The following SEM1 variants were observed in gnomAD, a reference collection of about 807,000 sequenced individuals.
SEM1 encodes 26S proteasome complex subunit SEM1.
In SEM1, 3 loss-of-function variants were observed where a neutral mutation model predicts 12.7. That is an observed-to-expected ratio of 0.24 (90% CI 0.11 to 0.61). The LOEUF is 0.61. Ranked by LOEUF, SEM1 falls within the 20% of genes least tolerant of loss-of-function variation. The pLI, the probability that SEM1 is intolerant of heterozygous loss-of-function variation, is 0.88. For missense variants in SEM1, 59 were observed against 81.3 expected (o/e 0.73, Z 1.06); for synonymous variants, 30 against 27.8 (o/e 1.08, Z -0.25).
downstream of SEM1, among the ~76,000 whole-genome samples, chr7:96,668,996 T>A (rs1789240278): frequency 6.6e-6 from 1 of 151,978 alleles, no homozygotes; most frequent in Admixed American, 6.6e-5. Context: ...CACCAGAAAT[T>A]AGGAAGAGAC....
At chr7:96,484,633 T>C (rs1160875961) in intron 3 of SEM1, among the ~76,000 whole-genome samples, 3 of 152,060 alleles carry the variant, frequency 2.0e-5, no homozygotes, top group Non-Finnish European at 4.4e-5. Flanking sequence ...AGAAAAGGCA[T>C]GGCCACAAGT....
intron 2 of SEM1, among the ~76,000 whole-genome samples, chr7:96,667,747 G>C (rs1219601270): frequency 3.9e-5 from 6 of 152,158 alleles, no homozygotes. Flanking sequence ...CACATGGGTG[G>C]CTTTCTTTAG....
intron 2 of SEM1, among the ~76,000 whole-genome samples, chr7:96,636,998 A>C (rs555991311): frequency 6.6e-6 from 1 of 152,178 alleles, no homozygotes; most frequent in East Asian, 1.9e-4. Flanking sequence ...AGGAGGAATA[A>C]AAGGAAAAAG....
chr7:96,684,026 TA>T (rs958626553), downstream of SEM1, among the ~76,000 whole-genome samples: 174 of 151,888 alleles, frequency 1.1e-3, no homozygotes, highest in African/African-American at 4.1e-3. Flanking sequence ...AAAGTATAAT[TA>T]AAAAAAATTA....
intron 2 of SEM1, among the ~76,000 whole-genome samples, chr7:96,577,368 C>A (rs1806240434): frequency 6.6e-6 from 1 of 151,830 alleles, no homozygotes; most frequent in African/African-American, 2.4e-5. Context: ...CCTGTATGAA[C>A]CAAAAACCTT....
intron 2 of SEM1, among the ~76,000 whole-genome samples, chr7:96,578,615 T>G (rs1281475846): frequency 6.6e-6 from 1 of 152,098 alleles, no homozygotes; most frequent in Non-Finnish European, 1.5e-5. Context: ...AGAACTAAGA[T>G]GTAAGGGAGA....
rs66875119 is a variant in SEM1, at chr7:96,573,927, A to AT, written c.171-67230dup. ...AGGTTTGGTCTTTTCACATGGTCCC[A>AT]TTTTTTTTTTTAATATTTTTTATTA... is the stretch of plus-strand genomic sequence containing the variant. On this transcript the variant is annotated intron_variant and NMD_transcript_variant, in intron 2 of 3. Coordinates refer to the SEM1 transcript ENST00000466986. Among the ~76,000 whole-genome samples the AT allele has an allele frequency of 2.4e-3, 117 of 48,104 alleles. 1 individual carries two copies. The highest frequency in any genetic ancestry group is 4.9e-3 in the South Asian group (6 of 1,218). The allele number at this position is 48,104 out of a possible 152,430, so 31.6% of individuals were successfully genotyped here.
chr7:96,557,080 T>G (rs1000049644), intron 2 of SEM1, among the ~76,000 whole-genome samples: 8 of 144,810 alleles, frequency 5.5e-5, no homozygotes, highest in African/African-American at 2.0e-4. Flanking sequence ...GTTATTCTAG[T>G]TATACATTCT....
In SEM1 at chr7:96,485,478, C is replaced by G. The variant is rs10248849; in HGVS notation, c.228-624G>C. 9.2e-3 allele frequency among the ~76,000 whole-genome samples: 1,382 copies of G among 150,176 alleles called. 24 individuals carry two copies. Among genetic ancestry groups the G allele is most frequent in the African/African-American group, 0.032 (1,286 of 40,818 alleles). On this transcript the variant is annotated intron_variant, in intron 2 of 3. Coordinates refer to the SEM1 transcript ENST00000356686. ...CCTCCTGCCTCCATTTATAAAGGCC[C>G]TTGTGATTGCTTTGGGCCCACCTAA...
At chr7:96,641,596 T>C (rs1808611146) in intron 2 of SEM1, among the ~76,000 whole-genome samples, 1 of 152,018 alleles carries the variant, frequency 6.6e-6, no homozygotes, top group Non-Finnish European at 1.5e-5. Context: ...ATTGTATAGT[T>C]TTCTTCTTGT....
chr7:96,573,109 G>T (rs1472621130), intron 2 of SEM1, among the ~76,000 whole-genome samples: 5 of 135,950 alleles, frequency 3.7e-5, no homozygotes, highest in Non-Finnish European at 3.2e-5. Flanking sequence ...TGCAACCCCT[G>T]TTTTTTTTTT....
chr7:96,618,432 G>A (rs904758902), downstream of SEM1, among the ~76,000 whole-genome samples: 1 of 152,134 alleles, frequency 6.6e-6, no homozygotes, highest in Non-Finnish European at 1.5e-5. Context: ...CTAACTCTCT[G>A]ACAGGCTTGG....
chr7:96,520,941 C>T (rs1210980748), intron 2 of SEM1, among the ~76,000 whole-genome samples: 1 of 152,012 alleles, frequency 6.6e-6, no homozygotes, highest in East Asian at 1.9e-4. Flanking sequence ...GTCCTGAGAG[C>T]CCCGTAATTC....
chr7:96,640,785 G>A lies in SEM1; in HGVS notation c.171-18142C>T, dbSNP rs1053431819. 1.3e-4 allele frequency among the ~76,000 whole-genome samples: 19 copies of A among 151,920 alleles called. No individual in the cohort carries two copies. The highest frequency in any genetic ancestry group is 4.3e-4 in the African/African-American group (18 of 41,394). On this transcript the variant is annotated intron_variant, in intron 2 of 2. Coordinates refer to the SEM1 transcript ENST00000417009. The surrounding 1 kb of genome is among the most constrained non-coding windows in gnomAD (Gnocchi z 4.0). The stretch of plus-strand genomic sequence containing the variant: ...AACAAATGTACCACTCTGTGGGGAT[G>A]CTATAAATGAGGGAGGCTATGCATG...
At chr7:96,597,692 TATACAC>T (rs1057284565) in intron 2 of SEM1, among the ~76,000 whole-genome samples, 2 of 150,468 alleles carry the variant, frequency 1.3e-5, no homozygotes, top group African/African-American at 4.9e-5. Context: ...TATATATATA[TATACAC>T]ACACACACAC....
intron 3 of SEM1, chr7:96,484,006 A>G (rs1464445155): frequency 1.3e-6 from 2 of 1,482,818 alleles, no homozygotes; most frequent in Non-Finnish European, 1.8e-6. Flanking sequence ...GAAGAATGAT[A>G]AATGCTGTGG....
At chr7:96,499,598 A>G (rs556190783), upstream of SEM1, among the ~76,000 whole-genome samples, 9 of 152,312 alleles carry the variant, frequency 5.9e-5, no homozygotes, top group Non-Finnish European at 1.0e-4. Flanking sequence ...AGATGGAACT[A>G]CTAAGTCCTG....
At chr7:96,518,553 T>C (rs965096874) in intron 2 of SEM1, among the ~76,000 whole-genome samples, 1 of 152,002 alleles carries the variant, frequency 6.6e-6, no homozygotes, top group Non-Finnish European at 1.5e-5. Flanking sequence ...ATTACTGGAG[T>C]TGGGATATCA....
At chr7:96,508,269 T>C (rs971154055) in intron 2 of SEM1, among the ~76,000 whole-genome samples, 1 of 152,090 alleles carries the variant, frequency 6.6e-6, no homozygotes, top group African/African-American at 2.4e-5. Context: ...ATAAAATGTA[T>C]TTATGTATTG....
Sources: gnomAD v4.1 joint callset for allele counts (sites outside exome capture counted in the v4.1 genomes callset) on GRCh38, gnomAD v4.1.1 for gene constraint, Gnocchi (gnomAD v3.1) non-coding constraint, MANE v1.5 for transcripts, NCBI Gene and HGNC (gene_info 2026-07-23, HGNC 2026-07-21) for gene names.